Variants in ZPBP2 observed in about 807,000 individuals in gnomAD.
The protein encoded by ZPBP2 is zona pellucida-binding protein 2.
ZPBP2 carries 34 observed loss-of-function variants against 37.5 expected under a neutral mutation model. That is an observed-to-expected ratio of 0.91 (90% CI 0.69 to 1.21). The LOEUF is 1.21. ZPBP2 is among the 50% of genes most tolerant of loss of function. The probability of loss-of-function intolerance (pLI) is 0.00; values close to 1 mark genes in which losing one functional copy is unlikely to be tolerated. For missense variants in ZPBP2, 397 were observed against 413.5 expected, an observed-to-expected ratio of 0.96 and a Z score of 0.35; for synonymous variants, 143 against 138.4, an observed-to-expected ratio of 1.03 and a Z score of -0.23.
At chr17:39,873,829 T>C (rs1187304878) in intron 6 of ZPBP2, among the ~76,000 whole-genome samples, 1 of 152,156 alleles carries the variant, frequency 6.6e-6, no homozygotes, top group Non-Finnish European at 1.5e-5. Context: ...AAAAATCCCT[T>C]CACTCTCTGG....
chr17:39,868,473 C>G (rs2063346190), intron 1 of ZPBP2, 67 bp downstream of exon 1: 1 of 1,612,522 alleles, frequency 6.2e-7, no homozygotes, highest in Non-Finnish European at 8.5e-7. Flanking sequence ...CTGCCTCCTT[C>G]GCCTCGCCCT....
chr17:39,870,229 A>T (rs1024470518), intron 2 of ZPBP2, among the ~76,000 whole-genome samples: 1 of 151,916 alleles, frequency 6.6e-6, no homozygotes, highest in Non-Finnish European at 1.5e-5. Flanking sequence ...TTTTTAGTAG[A>T]GAGGGGGTTT....
intron 3 of ZPBP2, among the ~76,000 whole-genome samples, 168 bp from the exon 4 acceptor site, chr17:39,871,291 TATCTC>T (rs1407654658): frequency 2.6e-5 from 4 of 152,188 alleles, no homozygotes; most frequent in Non-Finnish European, 2.9e-5. Context: ...AAAGTGTACT[TATCTC>T]ATGTAGTCTT....
chr17:39,869,175 C>T (rs2063350034), intron 2 of ZPBP2, among the ~76,000 whole-genome samples: 1 of 152,142 alleles, frequency 6.6e-6, no homozygotes, highest in Non-Finnish European at 1.5e-5. Context: ...TCTTTATGAG[C>T]CTGGCATTCA....
chr17:39,871,471 T>C lies in ZPBP2; in HGVS notation c.252T>C (p.Asn84=), dbSNP rs879558048. ...GPNEKTLTGN[N]RINITETGQL... ...ATTTACTATTCTGTTTAGGAAATAA[T>C]AGAATAAATATAACTGAAACTGGAC... is the stretch of plus-strand genomic sequence containing the variant. Residue 84 remains asparagine, a synonymous_variant, in exon 4 of 8, where the codon AAT becomes AAC. Coordinates refer to ENST00000348931, the MANE Select transcript of ZPBP2 (RefSeq NM_199321.3). 3.8e-6 allele frequency: 6 copies of C among 1,578,966 alleles called. No homozygotes were observed. The highest frequency in any genetic ancestry group is 5.1e-6 in the Non-Finnish European group (6 of 1,165,490).
At chr17:39,871,666 G>A in intron 4 of ZPBP2, 41 bp downstream of exon 4, 1 of 1,460,474 alleles carries the variant, frequency 6.8e-7, no homozygotes, top group Non-Finnish European at 9.1e-7. Flanking sequence ...ATTTAGTTTG[G>A]ATCGTAATTA....
At chr17:39,874,790 C>T (rs1056411442) in intron 6 of ZPBP2, among the ~76,000 whole-genome samples, 1 of 151,978 alleles carries the variant, frequency 6.6e-6, no homozygotes, top group African/African-American at 2.4e-5. Flanking sequence ...CTCGCTCTGT[C>T]GCCAGGCTGG....
At chr17:39,873,167 T>C in intron 6 of ZPBP2, 41 bp downstream of exon 6, 1 of 1,578,478 alleles carries the variant, frequency 6.3e-7, no homozygotes, top group Admixed American at 1.8e-5. Flanking sequence ...TGTCTTTTTC[T>C]TTTTTTAGAG....
chr17:39,868,503 C>T, intron 1 of ZPBP2, 46 bp from the exon 2 acceptor site: 1 of 1,613,942 alleles, frequency 6.2e-7, no homozygotes, highest in Non-Finnish European at 8.5e-7. Flanking sequence ...GACTCTGAAC[C>T]CTGCTCCTCT....
At chr17:39,874,359 T>C (rs2063379728) in intron 6 of ZPBP2, among the ~76,000 whole-genome samples, 1 of 151,998 alleles carries the variant, frequency 6.6e-6, no homozygotes, top group Admixed American at 6.6e-5. Flanking sequence ...TTAGATATAA[T>C]GAACGCCCAA....
chr17:39,869,090 A>AT (rs756399122), intron 2 of ZPBP2, among the ~76,000 whole-genome samples: 66 of 152,312 alleles, frequency 4.3e-4, no homozygotes, highest in Non-Finnish European at 5.6e-4. Context: ...GAGCCAGTTG[A>AT]TAGAATTTGT....
rs2063344503 is a variant in ZPBP2 at position 39,868,269 on chromosome 17, T to G, written c.-86T>G. ...GACCCCGGCGTTCTGCTCCGCACTG[T>G]GGAGGAGGTGGGGAGGTGTTGGGCC... On this transcript the variant is annotated 5_prime_UTR_variant, in exon 1 of 8. Coordinates refer to ENST00000348931, the MANE Select transcript of ZPBP2 (RefSeq NM_199321.3). 4.0e-6 allele frequency: 6 copies of G among 1,486,408 alleles called. No individual in the cohort carries two copies. Among genetic ancestry groups the G allele is most frequent in the Admixed American group, 1.7e-5 (1 of 58,374 alleles). The allele number at this position is 1,486,408 out of a possible 1,614,324, so 92.1% of individuals were successfully genotyped here.
rs79894427 is a variant in ZPBP2 at position 39,872,130 on chromosome 17, A to G, written c.407-140A>G. 2.3e-3 allele frequency: 1,360 copies of G among 583,616 alleles called. 17 individuals carry two copies. The African/African-American group carries it at 0.024, about 10-fold the overall frequency. The allele number at this position is 583,616 out of a possible 1,614,324, so 36.2% of individuals were successfully genotyped here. A position where few individuals can be genotyped will look rare whatever the true frequency, so the allele number is the denominator to read the frequency against. On this transcript the variant is annotated intron_variant, in intron 4 of 7. Coordinates refer to ENST00000348931, the MANE Select transcript of ZPBP2 (RefSeq NM_199321.3). ...AGTTTTATGTATTTTTGTGAGGACT[A>G]ACTGATAAAACGTTATGTTTCTATG...
At chr17:39,868,661 TGCGAAGCTCTTCCC>T (rs1303726938) in intron 2 of ZPBP2, 47 bp downstream of exon 2, 2 of 1,607,368 alleles carry the variant, frequency 1.2e-6, no homozygotes, top group Non-Finnish European at 8.5e-7. Context: ...GGGCCGGAAC[TGCGAAGCTCTTCCC>T]GGAAGAGCTT....
At chr17:39,875,595 T>A (rs1030581616) in intron 7 of ZPBP2, among the ~76,000 whole-genome samples, 161 bp downstream of exon 7, 3 of 119,868 alleles carry the variant, frequency 2.5e-5, no homozygotes, top group African/African-American at 1.4e-4. Context: ...AAGCCCCAAT[T>A]TTTTTTTTTT....
Position 39,876,910 on chromosome 17 carries a change from C to T in ZPBP2, c.*101C>T. 2 of 1,425,832 alleles carry T rather than the reference C, an allele frequency of 1.4e-6. No individual in the cohort carries two copies. The highest frequency in any genetic ancestry group is 2.6e-5 in the South Asian group (2 of 78,170). 88.3% of individuals were successfully genotyped at this position (1,425,832 alleles called of 1,614,324 possible). A position where few individuals can be genotyped will look rare whatever the true frequency, so the allele number is the denominator to read the frequency against. Reference sequence around the variant, plus strand: ...GTTCCATTAAGTAAAATCAGTAAGACCAAACCACTGGAAAACATGCATTTT... The same window carrying T: ...GTTCCATTAAGTAAAATCAGTAAGATCAAACCACTGGAAAACATGCATTTT... On this transcript the variant is annotated 3_prime_UTR_variant, in exon 8 of 8. Transcript: ENST00000348931.
intron 7 of ZPBP2, among the ~76,000 whole-genome samples, chr17:39,875,894 T>C (rs936108408): frequency 1.0e-4 from 11 of 106,736 alleles, no homozygotes; most frequent in East Asian, 4.8e-4. Context: ...TTTTTTTTTT[T>C]TTTTTTTTTT....
chr17:39,868,299 C>G lies in ZPBP2; in HGVS notation c.-56C>G. On this transcript the variant is annotated 5_prime_UTR_variant, in exon 1 of 8. Coordinates refer to ENST00000348931, the MANE Select transcript of ZPBP2 (RefSeq NM_199321.3). ...GAGGTGGGGAGGTGTTGGGCCAGGGCTGAGGTAGGAGGGAGTCTGTCCCTC... is the reference window on the plus strand; with the variant it reads ...GAGGTGGGGAGGTGTTGGGCCAGGGGTGAGGTAGGAGGGAGTCTGTCCCTC... 5.7e-6 allele frequency: 9 copies of G among 1,588,742 alleles called. No individual in the cohort carries two copies. Among genetic ancestry groups the G allele is most frequent in the Non-Finnish European group, 7.7e-6 (9 of 1,170,942 alleles).
chr17:39,872,521 T>G, intron 5 of ZPBP2, 33 bp downstream of exon 5: 1 of 1,396,920 alleles, frequency 7.2e-7, no homozygotes, highest in Admixed American at 2.3e-5. Flanking sequence ...AATTTTGAAT[T>G]TAGTCCTGAA....
Sources: allele counts gnomAD v4.1 joint callset (sites outside exome capture counted in the v4.1 genomes callset), GRCh38; gene constraint gnomAD v4.1.1; transcripts MANE v1.5; gene names NCBI Gene and HGNC (gene_info 2026-07-23, HGNC 2026-07-21).